Variants in BAIAP2 observed in about 807,000 individuals in gnomAD.
BAIAP2 encodes BAR/IMD domain-containing adapter protein 2.
A neutral mutation model predicts 63.0 loss-of-function variants in BAIAP2; 18 were observed. The ratio of observed to expected loss-of-function variants is 0.29; its 90% CI spans 0.20 to 0.42. The LOEUF (loss-of-function observed/expected upper bound fraction) is 0.42. Among genes scored for constraint, BAIAP2 ranks in the 10% least tolerant of loss-of-function variants. The pLI, the probability that BAIAP2 is intolerant of heterozygous loss-of-function variation, is 1.00. For synonymous variants in BAIAP2, 386 were observed against 307.6 expected, an observed-to-expected ratio of 1.25 and a Z score of -2.67; for missense variants, 610 against 734.3, an observed-to-expected ratio of 0.83 and a Z score of 1.96.
chr17:81,104,903 C>T (rs891491650), intron 10 of BAIAP2, among the ~76,000 whole-genome samples, 188 bp downstream of exon 10: 5 of 152,028 alleles, frequency 3.3e-5, no homozygotes, highest in African/African-American at 9.7e-5. Context: ...GGCGTCTTCT[C>T]CCCTGGCAGG....
chr17:81,036,304 C>T (rs995215664), intron 1 of BAIAP2, among the ~76,000 whole-genome samples: 1 of 152,254 alleles, frequency 6.6e-6, no homozygotes, highest in Non-Finnish European at 1.5e-5. Context: ...TGTTTCAAAA[C>T]TGTCTGCAGG....
intron 1 of BAIAP2, chr17:81,053,313 C>A (rs980984105): frequency 7.7e-6 from 2 of 258,208 alleles, no homozygotes; most frequent in Non-Finnish European, 1.5e-5. Context: ...TGGGCTGACT[C>A]AGCCGCGCCA....
At position 81,101,941 on chromosome 17, in the gene BAIAP2, C is replaced by A. The variant is rs933322800; in HGVS notation, c.643-1561C>A. On this transcript the variant is annotated intron_variant, in intron 7 of 13. Coordinates refer to ENST00000428708, the MANE Select transcript of BAIAP2 (RefSeq NM_001144888.2). Reference sequence around the variant, plus strand: ...AGTGGCGGGCGTCTGCGCCCTCTGGCGGGGGCCAGGCCCCATGACGGGGCC... The same window carrying A: ...AGTGGCGGGCGTCTGCGCCCTCTGGAGGGGGCCAGGCCCCATGACGGGGCC... Among the ~76,000 whole-genome samples the A allele has an allele frequency of 2.0e-5, 3 of 152,334 alleles. No homozygotes were observed. The South Asian group carries it at 6.2e-4, about 32-fold the overall frequency.
At chr17:81,061,167 G>A (rs530765607) in intron 3 of BAIAP2, among the ~76,000 whole-genome samples, 38 of 152,328 alleles carry the variant, frequency 2.5e-4, no homozygotes, top group African/African-American at 8.7e-4. Flanking sequence ...TATTACGGAA[G>A]ATGTGGACTT....
Position 81,110,102 on chromosome 17 carries a change from G to T in BAIAP2, c.1535+1593G>T, listed in dbSNP as rs2059726771. ...TCTGGGGAATTGAGTGCAGGGCACA[G>T]CCCGGCTCAGCCTGCCCGCTGGTGG... On this transcript the variant is annotated intron_variant, in intron 13 of 13. Transcript: ENST00000428708. 7 of 985,370 alleles carry T rather than the reference G, an allele frequency of 7.1e-6. No individual in the cohort carries two copies. The South Asian group carries it at 2.3e-4, about 33-fold the overall frequency. 61.0% of individuals were successfully genotyped at this position (985,370 alleles called of 1,614,324 possible). A position where few individuals can be genotyped will look rare whatever the true frequency, so the allele number is the denominator to read the frequency against.
At chr17:81,109,372 TAAAA>T (rs747875777) in intron 13 of BAIAP2, 231,948 of 864,918 alleles carry the variant, frequency 0.27, 8,791 homozygotes, top group East Asian at 0.44. Context: ...AGAAAAATCT[TAAAA>T]AAAAAAAAAA....
chr17:81,071,268 G>A (rs1436281490), intron 3 of BAIAP2, among the ~76,000 whole-genome samples: 4 of 152,138 alleles, frequency 2.6e-5, no homozygotes, highest in African/African-American at 9.7e-5. Context: ...TTGGGCTTTG[G>A]GTCAGCACTG....
At position 81,085,680 on chromosome 17, in the gene BAIAP2, T is replaced by TA; in HGVS notation, c.307dup (p.Thr103AsnfsTer24). The TA allele has an allele frequency of 6.2e-7, 1 of 1,613,920 alleles. No homozygotes were observed. Among genetic ancestry groups the TA allele is most frequent in the Non-Finnish European group, 8.5e-7 (1 of 1,180,030 alleles). On this transcript the variant is annotated frameshift_variant, in exon 5 of 14. Coordinates refer to ENST00000428708, the MANE Select transcript of BAIAP2 (RefSeq NM_001144888.2). LOFTEE classifies it high-confidence loss of function. ...TGAAGTCTTTTCACAACGAGCTGCT[T>TA]ACGCAGCTGGAGCAGAAGGTGGAGC...
chr17:81,090,946 C>G (rs930962550), intron 6 of BAIAP2, among the ~76,000 whole-genome samples: 1 of 152,190 alleles, frequency 6.6e-6, no homozygotes, highest in Non-Finnish European at 1.5e-5. Flanking sequence ...TGTTGCATGT[C>G]CTCTCCACTT....
At chr17:81,108,241 C>T in intron 12 of BAIAP2, 2 of 591,224 alleles carry the variant, frequency 3.4e-6, no homozygotes, top group Non-Finnish European at 6.0e-6. Flanking sequence ...ATTGAGGTGG[C>T]CGCTGGCTGG....
intron 11 of BAIAP2, 37 bp downstream of exon 11, chr17:81,106,183 G>C (rs1441989934): frequency 6.5e-7 from 1 of 1,548,872 alleles, no homozygotes; most frequent in Admixed American, 1.9e-5. Context: ...AAGATCCCCA[G>C]CTCGGGAGAG....
chr17:81,054,522 G>A (rs566163564), intron 2 of BAIAP2, among the ~76,000 whole-genome samples: 6 of 152,290 alleles, frequency 3.9e-5, no homozygotes, highest in Admixed American at 1.3e-4. Flanking sequence ...CTGCCTGTGC[G>A]GGCTGCTCTT....
intron 3 of BAIAP2, among the ~76,000 whole-genome samples, chr17:81,062,141 G>A (rs1233780506): frequency 6.6e-6 from 1 of 152,054 alleles, no homozygotes; most frequent in African/African-American, 2.4e-5. Context: ...AGTGGAGATG[G>A]GGTTTCACCA....
Position 81,116,642 on chromosome 17 carries a change from T to TCC in BAIAP2, c.*811_*812dup. 1 of 378,846 alleles carries TCC rather than the reference T, an allele frequency of 2.6e-6. No individual in the cohort carries two copies. Among genetic ancestry groups the TCC allele is most frequent in the South Asian group, 3.7e-5 (1 of 27,168 alleles). 23.5% of individuals were successfully genotyped at this position (378,846 alleles called of 1,614,324 possible). A position where few individuals can be genotyped will look rare whatever the true frequency, so the allele number is the denominator to read the frequency against. ...CTGCCCCAGGACTCCTGGGTGGACCTCCCCCCCCCACCTCCGCTGACTCCT... is the reference window on the plus strand; with the variant it reads ...CTGCCCCAGGACTCCTGGGTGGACCTCCCCCCCCCCCACCTCCGCTGACTCCT... On this transcript the variant is annotated 3_prime_UTR_variant, in exon 14 of 14. Coordinates refer to ENST00000428708, the MANE Select transcript of BAIAP2 (RefSeq NM_001144888.2).
At chr17:81,050,665 C>G (rs922944762) in intron 1 of BAIAP2, among the ~76,000 whole-genome samples, 1 of 151,302 alleles carries the variant, frequency 6.6e-6, no homozygotes, top group African/African-American at 2.4e-5. Flanking sequence ...TGTTTTCATA[C>G]CTGTGTCACA....
At chr17:81,041,477 C>G (rs147564239) in intron 1 of BAIAP2, among the ~76,000 whole-genome samples, 2 of 152,340 alleles carry the variant, frequency 1.3e-5, no homozygotes, top group African/African-American at 4.8e-5. Context: ...TGCTTTTGCT[C>G]TTGCTTAGAG....
intron 10 of BAIAP2, chr17:81,105,345 C>G (rs73367929): frequency 6.5e-6 from 1 of 153,770 alleles, no homozygotes; most frequent in Non-Finnish European, 1.4e-5. Context: ...CACGTCCAGC[C>G]GAAGCCCTGT....
At chr17:81,099,809 T>C (rs994000842) in intron 6 of BAIAP2, 119 bp from the exon 7 acceptor site, 19 of 1,211,644 alleles carry the variant, frequency 1.6e-5, no homozygotes, top group Non-Finnish European at 2.1e-5. Flanking sequence ...CTGTTTTGTT[T>C]CCAGCTGCTC....
At chr17:81,044,157 C>T (rs1318075309) in intron 1 of BAIAP2, among the ~76,000 whole-genome samples, 1 of 152,216 alleles carries the variant, frequency 6.6e-6, no homozygotes, top group Non-Finnish European at 1.5e-5. Flanking sequence ...TGGGGCCGTA[C>T]AGGCATTCCT....
Sources: allele counts gnomAD v4.1 joint callset (sites outside exome capture counted in the v4.1 genomes callset), GRCh38; gene constraint gnomAD v4.1.1; transcripts MANE v1.5; gene names NCBI Gene and HGNC (gene_info 2026-07-23, HGNC 2026-07-21).